PPARG: variants seen among roughly 807,000 people sequenced by gnomAD.
PPARG encodes the protein peroxisome proliferator-activated receptor gamma.
A neutral mutation model predicts 39.2 loss-of-function variants in PPARG; 17 were observed. The observed-to-expected ratio is 0.43, with a 90% CI of 0.30 to 0.65. The LOEUF (loss-of-function observed/expected upper bound fraction) is 0.65. PPARG is among the 30% of genes least tolerant of loss of function. PPARG has a pLI of 0.13. For synonymous variants in PPARG, 223 were observed against 215.7 expected, an observed-to-expected ratio of 1.03 and a Z score of -0.30; for missense variants, 406 against 585.9, an observed-to-expected ratio of 0.69 and a Z score of 3.17.
intron 1 of PPARG, among the ~76,000 whole-genome samples, chr3:12,292,733 C>T (rs1356916560): frequency 6.6e-6 from 1 of 152,194 alleles, no homozygotes; most frequent in Non-Finnish European, 1.5e-5. Context: ...GAGGAGGCCT[C>T]TGCAAGCGGT....
intron 7 of PPARG, 97 bp from the exon 8 acceptor site, chr3:12,433,801 A>G: frequency 6.4e-7 from 1 of 1,556,042 alleles, no homozygotes; most frequent in Non-Finnish European, 8.9e-7. Flanking sequence ...AAAAATACAG[A>G]TGAGTTGCTT....
chr3:12,399,268 T>C (rs1430425637), intron 5 of PPARG: 1 of 447,472 alleles, frequency 2.2e-6, no homozygotes, highest in African/African-American at 2.0e-5. Flanking sequence ...AAATGTCCTC[T>C]ACAAATAGTG....
intron 1 of PPARG, among the ~76,000 whole-genome samples, chr3:12,310,309 A>G (rs891417199): frequency 1.2e-4 from 18 of 152,108 alleles, no homozygotes; most frequent in Admixed American, 3.3e-4. Flanking sequence ...AGAAATACCT[A>G]TGTATTTCAA....
At chr3:12,298,703 C>T (rs905953365) in intron 1 of PPARG, among the ~76,000 whole-genome samples, 1 of 152,100 alleles carries the variant, frequency 6.6e-6, no homozygotes, top group South Asian at 2.1e-4. Flanking sequence ...AATGATAAGC[C>T]AAGACAAACT....
chr3:12,335,845 A>AC lies in PPARG; in HGVS notation c.-9+23392_-9+23393insC, dbSNP rs1229254296. ...AGAAGGCAATGTGGGGAAAAAAAAA[A>AC]AAAACAAGAATGGCAGCACTGACCT... On this transcript the variant is annotated intron_variant, in intron 2 of 7. Transcript: ENST00000651735. Among the ~76,000 whole-genome samples the AC allele has an allele frequency of 3.7e-3, 557 of 151,952 alleles. 2 individuals are homozygous for AC. Among genetic ancestry groups the AC allele is most frequent in the African/African-American group, 5.5e-3 (226 of 41,448 alleles).
chr3:12,389,617 G>A (rs757534013), intron 4 of PPARG, among the ~76,000 whole-genome samples: 10 of 152,186 alleles, frequency 6.6e-5, no homozygotes, highest in Non-Finnish European at 1.3e-4. Context: ...TGAGCCAGGC[G>A]TAGTGGCACA....
At chr3:12,410,137 C>T (rs542011163) in intron 6 of PPARG, among the ~76,000 whole-genome samples, 121 of 152,300 alleles carry the variant, frequency 7.9e-4, no homozygotes, top group Admixed American at 2.0e-4. Context: ...GAGCAGTAGA[C>T]CTTTCAACCG....
At chr3:12,357,314 C>T (rs894368851) in intron 2 of PPARG, among the ~76,000 whole-genome samples, 3 of 152,158 alleles carry the variant, frequency 2.0e-5, no homozygotes, top group African/African-American at 7.2e-5. Flanking sequence ...GCTCCAAGCA[C>T]GCCGGCCTCC....
intron 2 of PPARG, among the ~76,000 whole-genome samples, chr3:12,361,089 G>A (rs1426389624): frequency 2.0e-5 from 3 of 152,116 alleles, no homozygotes; most frequent in Non-Finnish European, 4.4e-5. Flanking sequence ...TCTTTTTCAC[G>A]TTAGCCATTC....
chr3:12,397,629 C>T (rs905141430), intron 5 of PPARG, among the ~76,000 whole-genome samples: 16 of 151,982 alleles, frequency 1.1e-4, no homozygotes, highest in South Asian at 4.2e-4. Context: ...CCAGGATGGT[C>T]GCGATCTCCT....
intron 2 of PPARG, among the ~76,000 whole-genome samples, chr3:12,377,300 TTTTG>T (rs1393701879): frequency 6.6e-6 from 1 of 152,138 alleles, no homozygotes; most frequent in African/African-American, 2.4e-5. Context: ...CTCTGTTTTG[TTTTG>T]TTTTTGTTTT....
At chr3:12,360,164 T>C (rs192216738) in intron 2 of PPARG, among the ~76,000 whole-genome samples, 2 of 152,294 alleles carry the variant, frequency 1.3e-5, no homozygotes, top group African/African-American at 4.8e-5. Context: ...TTTTCTCTTC[T>C]TTCTTTTTGC....
At chr3:12,404,900 G>T (rs553724686) in intron 5 of PPARG, among the ~76,000 whole-genome samples, 3 of 152,202 alleles carry the variant, frequency 2.0e-5, no homozygotes, top group Non-Finnish European at 4.4e-5. Context: ...CAGTCTCTGC[G>T]CTCGAGGAGC....
At chr3:12,317,712 T>C (rs974501310) in intron 2 of PPARG, among the ~76,000 whole-genome samples, 4 of 152,232 alleles carry the variant, frequency 2.6e-5, no homozygotes, top group African/African-American at 7.2e-5. Context: ...GGAATTTCTT[T>C]GTTAAAGTGT....
At chr3:12,383,979 A>C (rs2049778167) in intron 4 of PPARG, among the ~76,000 whole-genome samples, 1 of 152,112 alleles carries the variant, frequency 6.6e-6, no homozygotes, top group South Asian at 2.1e-4. Context: ...CATAGATTAA[A>C]AAGCAAACAT....
intron 2 of PPARG, among the ~76,000 whole-genome samples, chr3:12,340,111 T>C (rs560543296): frequency 1.3e-5 from 2 of 152,278 alleles, no homozygotes; most frequent in East Asian, 1.9e-4. Context: ...GAAGAAACAA[T>C]GGGCTATACA....
chr3:12,427,950 G>A (rs6442312), intron 7 of PPARG, among the ~76,000 whole-genome samples: 5,755 of 152,226 alleles, frequency 0.038, 353 homozygotes, highest in African/African-American at 0.13. Context: ...AGGGACAGTC[G>A]GTTTCAGATT....
At chr3:12,401,409 G>A (rs1346561041) in intron 5 of PPARG, among the ~76,000 whole-genome samples, 1 of 152,158 alleles carries the variant, frequency 6.6e-6, no homozygotes, top group Non-Finnish European at 1.5e-5. Context: ...ACCCACAGCA[G>A]CCATAGTTAC....
chr3:12,378,424 C>T (rs1191350643), intron 2 of PPARG, among the ~76,000 whole-genome samples: 2 of 151,970 alleles, frequency 1.3e-5, no homozygotes, highest in Admixed American at 1.3e-4. Context: ...TATATATATA[C>T]ACACATACAT....
Sources: allele counts gnomAD v4.1 joint callset (sites outside exome capture counted in the v4.1 genomes callset), GRCh38; gene constraint gnomAD v4.1.1; transcripts MANE v1.5; gene names NCBI Gene and HGNC (gene_info 2026-07-23, HGNC 2026-07-21).